The following SLIT3 variants were observed in gnomAD, a reference collection of about 807,000 sequenced individuals.
SLIT3 encodes slit guidance ligand 3.
Under a neutral mutation model 184.0 loss-of-function variants are expected in SLIT3, and 68 were observed. That is an observed-to-expected ratio of 0.37 (90% CI 0.30 to 0.45). The LOEUF is 0.45. Among genes scored for constraint, SLIT3 ranks in the 20% least tolerant of loss-of-function variants. SLIT3 has a pLI of 1.00. For missense variants in SLIT3, 1,707 were observed against 2,026.0 expected (o/e 0.84, Z 3.02); for synonymous variants, 831 against 828.6 (o/e 1.00, Z -0.05).
intron 26 of SLIT3, among the ~76,000 whole-genome samples, chr5:168,706,338 G>A (rs536562190): frequency 2.6e-5 from 4 of 152,286 alleles, no homozygotes; most frequent in Admixed American, 2.6e-4. Context: ...ACTAGCAATG[G>A]CTACACAGCT....
chr5:168,751,728 C>CTTT (rs373074911), intron 18 of SLIT3, among the ~76,000 whole-genome samples: 1 of 143,834 alleles, frequency 7.0e-6, no homozygotes, highest in Non-Finnish European at 1.5e-5. Context: ...CCAGTGACAT[C>CTTT]TTTTTTTTTT....
intron 4 of SLIT3, among the ~76,000 whole-genome samples, chr5:169,034,912 A>AGTGTGTGTGTGTGTGTGTGTGT (rs112102059): frequency 1.5e-5 from 2 of 132,418 alleles, no homozygotes; most frequent in African/African-American, 2.8e-5. Flanking sequence ...ACGCCCAGCT[A>AGTGTGTGTGTGTGTGTGTGTGT]GTGTGTGTGT....
chr5:169,226,642 TA>T lies in SLIT3; in HGVS notation c.341+18062del, dbSNP rs528520700. Among the ~76,000 whole-genome samples, 795 of 152,178 alleles carry T rather than the reference TA, an allele frequency of 5.2e-3. 5 individuals carry two copies. The highest frequency in any genetic ancestry group is 0.014 in the Middle Eastern group (4 of 294). The stretch of plus-strand genomic sequence containing the variant: ...GCACCAAGCACAGTGTGAGACACAG[TA>T]GGTGTTTAATAAATGTAAGCATTAT... On this transcript the variant is annotated intron_variant, in intron 3 of 35. Transcript: ENST00000519560.
At chr5:168,755,576 A>T (rs1480038532) in intron 16 of SLIT3, among the ~76,000 whole-genome samples, 1 of 151,770 alleles carries the variant, frequency 6.6e-6, no homozygotes, top group Non-Finnish European at 1.5e-5. Context: ...CTGGGATTAC[A>T]GGTGCCTGCC....
At chr5:169,021,436 C>T (rs749610656) in intron 4 of SLIT3, among the ~76,000 whole-genome samples, 2 of 151,968 alleles carry the variant, frequency 1.3e-5, no homozygotes, top group Non-Finnish European at 2.9e-5. Flanking sequence ...CTGCAACCTC[C>T]TCCTCCCCAG....
chr5:168,724,512 T>C, intron 20 of SLIT3, 28 bp from the exon 21 acceptor site: 2 of 1,595,448 alleles, frequency 1.3e-6, no homozygotes, highest in South Asian at 1.1e-5. Flanking sequence ...AGACAACACC[T>C]GAGAAAGAGA....
intron 25 of SLIT3, among the ~76,000 whole-genome samples, chr5:168,709,148 G>A (rs1762469089): frequency 6.6e-6 from 1 of 151,240 alleles, no homozygotes; most frequent in Non-Finnish European, 1.5e-5. Flanking sequence ...GCCCAGGCTG[G>A]AGTGTGGTGG....
chr5:169,207,177 A>C (rs1368350959), intron 3 of SLIT3, among the ~76,000 whole-genome samples: 2 of 152,012 alleles, frequency 1.3e-5, no homozygotes, highest in Non-Finnish European at 2.9e-5. Flanking sequence ...TCAGGCGAGC[A>C]GTTCCACATC....
intron 1 of SLIT3, chr5:169,263,517 C>G: frequency 2.4e-6 from 1 of 409,530 alleles, no homozygotes; most frequent in South Asian, 1.8e-5. Context: ...GAGCCTGGCC[C>G]TGATGACACC....
chr5:169,236,693 A>G (rs1003659023), intron 3 of SLIT3, among the ~76,000 whole-genome samples: 1 of 152,078 alleles, frequency 6.6e-6, no homozygotes, highest in Non-Finnish European at 1.5e-5. Context: ...GATGGTCTCA[A>G]TCTCCTGATC....
At chr5:169,273,039 C>T (rs747087797) in intron 1 of SLIT3, among the ~76,000 whole-genome samples, 8 of 152,076 alleles carry the variant, frequency 5.3e-5, no homozygotes, top group Non-Finnish European at 7.4e-5. Flanking sequence ...AACTCAGCAC[C>T]GACACACATG....
intron 32 of SLIT3, among the ~76,000 whole-genome samples, chr5:168,678,308 GAT>G: frequency 6.6e-6 from 1 of 152,110 alleles, no homozygotes; most frequent in Non-Finnish European, 1.5e-5. Flanking sequence ...CCTAAGTCAG[GAT>G]GCCTCCATTT....
intron 4 of SLIT3, among the ~76,000 whole-genome samples, chr5:169,019,235 T>C (rs1213055603): frequency 6.6e-6 from 1 of 152,050 alleles, no homozygotes; most frequent in Non-Finnish European, 1.5e-5. Flanking sequence ...GACCTGGGGG[T>C]CGACCTTTGC....
intron 4 of SLIT3, among the ~76,000 whole-genome samples, chr5:168,890,689 G>C (rs75171343): frequency 2.0e-5 from 3 of 152,190 alleles, no homozygotes; most frequent in African/African-American, 7.2e-5. Context: ...AGAAGTGGTA[G>C]AAGAATAGAT....
intron 32 of SLIT3, among the ~76,000 whole-genome samples, chr5:168,674,442 A>G (rs1761347234): frequency 6.6e-6 from 1 of 151,828 alleles, no homozygotes; most frequent in South Asian, 2.1e-4. Flanking sequence ...GCATAATGCA[A>G]GTATTCAACA....
intron 4 of SLIT3, among the ~76,000 whole-genome samples, chr5:168,963,999 G>A (rs538498853): frequency 2.6e-5 from 4 of 152,146 alleles, no homozygotes; most frequent in Admixed American, 6.5e-5. Flanking sequence ...ATGAGGCCAC[G>A]AGGAGTTGTC....
chr5:168,752,759 T>C (rs1754759863), intron 18 of SLIT3, 196 bp downstream of exon 18: 1 of 585,674 alleles, frequency 1.7e-6, no homozygotes, highest in Non-Finnish European at 3.0e-6. Flanking sequence ...TGCTGTGAGT[T>C]CCAGGAAGGA....
In SLIT3 at chr5:168,996,031, A is replaced by T. The variant is rs371579677; in HGVS notation, c.414-112695T>A. ...TGGTGACCATCTATAGAGACATCTG[A>T]CACTGAGATCAATGATATCCACCAT... On this transcript the variant is annotated intron_variant, in intron 4 of 35. Transcript: ENST00000519560. 3.1e-4 allele frequency among the ~76,000 whole-genome samples: 47 copies of T among 152,288 alleles called. No individual in the cohort carries two copies. The South Asian group carries it at 9.7e-3, about 32-fold the overall frequency.
chr5:169,141,860 A>G lies in SLIT3; in HGVS notation c.413+51619T>C, dbSNP rs190254889. On this transcript the variant is annotated intron_variant, in intron 4 of 35. Transcript: ENST00000519560. ...AGGTCAGGAGATCGAGACCATCCTGACCTACATGGTGAAAACCCATCTCTA... is the reference window on the plus strand; with the variant it reads ...AGGTCAGGAGATCGAGACCATCCTGGCCTACATGGTGAAAACCCATCTCTA... 9.5e-4 allele frequency among the ~76,000 whole-genome samples: 144 copies of G among 151,108 alleles called. 5 individuals are homozygous for G. The highest frequency in any genetic ancestry group is 3.4e-3 in the African/African-American group (140 of 41,198).
Sources: allele counts gnomAD v4.1 joint callset (sites outside exome capture counted in the v4.1 genomes callset), GRCh38; gene constraint gnomAD v4.1.1; transcripts MANE v1.5; gene names NCBI Gene and HGNC (gene_info 2026-07-23, HGNC 2026-07-21).